Variants in NEK1 observed in about 807,000 individuals in gnomAD.
The protein encoded by NEK1 is NIMA related kinase 1, also known as serine/threonine-protein kinase Nek1.
Under a neutral mutation model 182.1 loss-of-function variants are expected in NEK1, and 137 were observed. The observed-to-expected ratio is 0.75, with a 90% confidence interval of 0.65 to 0.87. The LOEUF is 0.87. Ranked by LOEUF, NEK1 falls within the 40% of genes least tolerant of loss-of-function variation. The pLI is 0.00. For synonymous variants in NEK1, 513 were observed against 492.2 expected (o/e 1.04, Z -0.56); for missense variants, 1,391 against 1,494.4 (o/e 0.93, Z 1.14).
Position 169,401,651 on chromosome 4 carries a change from C to T in NEK1, c.3583+1G>A. The T allele has an allele frequency of 6.2e-7, 1 of 1,612,688 alleles. No individual in the cohort carries two copies. The highest frequency in any genetic ancestry group is 8.5e-7 in the Non-Finnish European group (1 of 1,178,874). ...AAAGGTCCAAAACTCTGATCATGCA[C>T]CTGAGTGCCATTCTTCGTTCAGGGC... is the stretch of plus-strand genomic sequence containing the variant. On this transcript the variant is annotated splice_donor_variant, in intron 33 of 35. Transcript: ENST00000507142. LOFTEE classifies it high-confidence loss of function.
intron 18 of NEK1, among the ~76,000 whole-genome samples, chr4:169,542,414 G>C (rs1759605637): frequency 6.6e-6 from 1 of 152,148 alleles, no homozygotes; most frequent in African/African-American, 2.4e-5. Flanking sequence ...ATGGGCATTT[G>C]GGTTGGTTCC....
chr4:169,487,600 C>G (rs111760762), intron 23 of NEK1, among the ~76,000 whole-genome samples: 1 of 152,126 alleles, frequency 6.6e-6, no homozygotes, highest in African/African-American at 2.4e-5. Flanking sequence ...TCTTTGCTAT[C>G]GTGAATAGTG....
At chr4:169,417,514 T>C (rs574161824) in intron 31 of NEK1, among the ~76,000 whole-genome samples, 20 of 152,156 alleles carry the variant, frequency 1.3e-4, no homozygotes, top group African/African-American at 4.3e-4. Context: ...ATTGATGAAA[T>C]AGATGAATAA....
At chr4:169,587,658 T>A in intron 8 of NEK1, 45 bp from the exon 9 acceptor site, 1 of 1,243,086 alleles carries the variant, frequency 8.0e-7, no homozygotes, top group Non-Finnish European at 1.1e-6. Context: ...TATTTCAAAT[T>A]TTTTCATTTA....
At chr4:169,601,025 T>A (rs1306346970) in intron 4 of NEK1, among the ~76,000 whole-genome samples, 1 of 152,150 alleles carries the variant, frequency 6.6e-6, no homozygotes, top group African/African-American at 2.4e-5. Context: ...AGGAGAAAGA[T>A]AAAGGAAAAT....
At chr4:169,510,725 G>A (rs755388675) in intron 19 of NEK1, among the ~76,000 whole-genome samples, 7 of 152,014 alleles carry the variant, frequency 4.6e-5, no homozygotes, top group Non-Finnish European at 8.8e-5. Context: ...TTGTGATCTC[G>A]CCATTTCTAG....
At chr4:169,440,826 T>C (rs568793617) in intron 27 of NEK1, among the ~76,000 whole-genome samples, 1 of 151,784 alleles carries the variant, frequency 6.6e-6, no homozygotes, top group African/African-American at 2.4e-5. Flanking sequence ...CTGCCTGGAG[T>C]CAAAGTGATG....
At chr4:169,419,205 A>G (rs943489270) in intron 31 of NEK1, among the ~76,000 whole-genome samples, 2 of 152,182 alleles carry the variant, frequency 1.3e-5, no homozygotes, top group African/African-American at 4.8e-5. Flanking sequence ...TACTCTATAT[A>G]CATGAAGATA....
In NEK1 at chr4:169,535,952, C is replaced by G. The variant is rs140493561; in HGVS notation, c.1665+1857G>C. 6.5e-3 allele frequency among the ~76,000 whole-genome samples: 964 copies of G among 149,226 alleles called. 6 individuals are homozygous for G. Among genetic ancestry groups the G allele is most frequent in the African/African-American group, 0.023 (927 of 40,554 alleles). On this transcript the variant is annotated intron_variant, in intron 19 of 35. Transcript: ENST00000507142. ...TTCCAGATTTGATGAAAATCATAAACCACAGATCTGAGAAGCTCAATGAAC... is the reference window on the plus strand; with the variant it reads ...TTCCAGATTTGATGAAAATCATAAAGCACAGATCTGAGAAGCTCAATGAAC...
chr4:169,546,291 A>G (rs780058024), intron 18 of NEK1, among the ~76,000 whole-genome samples: 31 of 152,034 alleles, frequency 2.0e-4, no homozygotes, highest in Admixed American at 6.5e-5. Context: ...GAGTTGTGCG[A>G]TTTTGAGTGA....
rs547543110 is a variant in NEK1, at chr4:169,477,501, T to C, written c.2140-4A>G. ...GGGTATCAGTTAAACTACTGTCCTT[T>C]AAATGCAGATAGATACAGAGGAAGA... On this transcript the variant is annotated splice_region_variant and splice_polypyrimidine_tract_variant and intron_variant, in intron 24 of 35. Coordinates refer to ENST00000507142, the MANE Select transcript of NEK1 (RefSeq NM_001199397.3). 14 of 1,593,264 alleles carry C rather than the reference T, an allele frequency of 8.8e-6. No homozygotes were observed. Among genetic ancestry groups the C allele is most frequent in the African/African-American group, 4.0e-5 (3 of 74,586 alleles).
At chr4:169,459,826 A>C (rs903236939) in intron 27 of NEK1, among the ~76,000 whole-genome samples, 1 of 152,226 alleles carries the variant, frequency 6.6e-6, no homozygotes, top group Non-Finnish European at 1.5e-5. Flanking sequence ...ATTCTGGAAA[A>C]GACAAAACTA....
intron 19 of NEK1, among the ~76,000 whole-genome samples, chr4:169,526,121 T>C (rs1166515715): frequency 6.6e-6 from 1 of 152,240 alleles, no homozygotes; most frequent in Non-Finnish European, 1.5e-5. Context: ...TGAAGTCTTC[T>C]TGATAGAGTT....
chr4:169,610,210 C>A (rs1327009971), intron 2 of NEK1, among the ~76,000 whole-genome samples: 1 of 152,106 alleles, frequency 6.6e-6, no homozygotes, highest in Non-Finnish European at 1.5e-5. Context: ...CCATACTGGC[C>A]AGGCTGGTCT....
At chr4:169,506,099 A>G (rs1375150684) in intron 23 of NEK1, among the ~76,000 whole-genome samples, 2 of 152,030 alleles carry the variant, frequency 1.3e-5, no homozygotes, top group East Asian at 3.8e-4. Context: ...AAAAAGAAAC[A>G]AGAATTACCC....
intron 11 of NEK1, among the ~76,000 whole-genome samples, chr4:169,579,944 A>T (rs1393395220): frequency 1.3e-5 from 2 of 152,208 alleles, no homozygotes; most frequent in African/African-American, 2.4e-5. Flanking sequence ...TTTGAAAAAC[A>T]ATATACCCTT....
At chr4:169,588,816 T>A (rs1232670183) in intron 7 of NEK1, 81 bp from the exon 8 acceptor site, 3 of 845,754 alleles carry the variant, frequency 3.5e-6, no homozygotes, top group Non-Finnish European at 5.9e-6. Flanking sequence ...CTACAGCAGA[T>A]CGCATATATG....
Position 169,438,068 on chromosome 4 carries a change from C to T in NEK1, c.2764+15G>A, listed in dbSNP as rs753965538. The T allele has an allele frequency of 6.3e-7, 1 of 1,579,950 alleles. No homozygotes were observed. Among genetic ancestry groups the T allele is most frequent in the South Asian group, 1.2e-5 (1 of 83,282 alleles). ...CTAAATCAAATATAGCTCATTTTGA[C>T]TCATTAGAACATACCTTCTAAATTT... is the stretch of plus-strand genomic sequence containing the variant. On this transcript the variant is annotated intron_variant, in intron 28 of 35. Coordinates refer to ENST00000507142, the MANE Select transcript of NEK1 (RefSeq NM_001199397.3).
chr4:169,462,514 A>G (rs952473408), intron 27 of NEK1, among the ~76,000 whole-genome samples: 1 of 152,094 alleles, frequency 6.6e-6, no homozygotes, highest in Non-Finnish European at 1.5e-5. Flanking sequence ...GGCTAATTCC[A>G]TTATTGAACA....
Sources: allele counts gnomAD v4.1 joint callset (sites outside exome capture counted in the v4.1 genomes callset), GRCh38; gene constraint gnomAD v4.1.1; transcripts MANE v1.5; gene names NCBI Gene and HGNC (gene_info 2026-07-23, HGNC 2026-07-21).